AGAP3: variants seen among roughly 807,000 people sequenced by gnomAD.
AGAP3 encodes ArfGAP with GTPase domain, ankyrin repeat and PH domain 3, also known as arf-GAP with GTPase, ANK repeat and PH domain-containing protein 3.
Under a neutral mutation model 96.9 loss-of-function variants are expected in AGAP3, and 24 were observed. The observed-to-expected ratio is 0.25, with a 90% CI of 0.18 to 0.35. The LOEUF is 0.35. Ranked by LOEUF, AGAP3 falls within the 10% of genes least tolerant of loss-of-function variation. The pLI, the probability that AGAP3 is intolerant of heterozygous loss-of-function variation, is 1.00. For missense variants in AGAP3, 876 were observed against 1,254.2 expected (o/e 0.70, Z 4.55); for synonymous variants, 563 against 536.1 (o/e 1.05, Z -0.69).
At chr7:151,092,982 C>T (rs530551979) in intron 1 of AGAP3, among the ~76,000 whole-genome samples, 1 of 152,278 alleles carries the variant, frequency 6.6e-6, no homozygotes, top group East Asian at 1.9e-4. Flanking sequence ...CTGCTCCCCA[C>T]TATAATTTTC....
chr7:151,122,601 C>T (rs1799963001), intron 8 of AGAP3: 1 of 1,081,838 alleles, frequency 9.2e-7, no homozygotes, highest in Non-Finnish European at 1.3e-6. Context: ...TCCTCCTCCT[C>T]CTCCTCTTCA....
chr7:151,131,351 C>G (rs1052627985), intron 10 of AGAP3: 1 of 152,366 alleles, frequency 6.6e-6, no homozygotes, highest in East Asian at 1.9e-4. Context: ...TAGCTTTCCA[C>G]GCTCTGAACT....
At chr7:151,122,972 G>C in intron 8 of AGAP3, 1 of 1,429,006 alleles carries the variant, frequency 7.0e-7, no homozygotes, top group South Asian at 1.5e-5. Context: ...GCCCGCGCTG[G>C]GGGCTGCCGG....
intron 1 of AGAP3, among the ~76,000 whole-genome samples, chr7:151,106,677 G>A (rs535252818): frequency 3.9e-4 from 60 of 152,152 alleles, no homozygotes; most frequent in South Asian, 2.5e-3. Flanking sequence ...AAGTTTTGCC[G>A]CGTTGGCCAG....
Position 151,142,630 on chromosome 7 carries a change from T to G in AGAP3, c.2269T>G (p.Cys757Gly), listed in dbSNP as rs1246805901. 13 of 1,611,864 alleles carry G rather than the reference T, an allele frequency of 8.1e-6. No individual in the cohort carries two copies. The highest frequency in any genetic ancestry group is 1.1e-5 in the Non-Finnish European group (13 of 1,179,848). Residue 757 changes from cysteine (C) to glycine (G), a missense_variant, in exon 16 of 18, where the codon TGC (cysteine) becomes GGC (glycine). Physicochemically the swap from Cys to Gly is radical, Grantham distance 159. This residue lies in a region of AGAP3 where 213 missense variants were observed against 253.8 expected (regional missense o/e 0.84). Transcript: ENST00000397238. The surrounding 1 kb of genome is among the most constrained non-coding windows in gnomAD (Gnocchi z 7.5). ...CTACTCCAAGCCAGGGCCTGATGCC[T>G]GCAGGTGAGCAGATGGTGCCCTGGA... The part of the protein sequence containing the change: ...GGYSKPGPDA[C>G]REEKERWIRA...
intron 8 of AGAP3, among the ~76,000 whole-genome samples, chr7:151,122,188 C>A (rs1399091682): frequency 6.6e-6 from 1 of 152,262 alleles, no homozygotes; most frequent in Non-Finnish European, 1.5e-5. Context: ...CCACCTTCCT[C>A]CTCCCTGGGC....
intron 9 of AGAP3, among the ~76,000 whole-genome samples, chr7:151,125,074 CAA>C (rs1035441969): frequency 6.6e-6 from 1 of 152,212 alleles, no homozygotes; most frequent in African/African-American, 2.4e-5. Flanking sequence ...AGACCCTGCA[CAA>C]ACCTGTTGCT....
intron 1 of AGAP3, among the ~76,000 whole-genome samples, chr7:151,095,051 A>G (rs1269708266): frequency 6.8e-6 from 1 of 147,146 alleles, no homozygotes; most frequent in Admixed American, 6.8e-5. Flanking sequence ...TAATTTTTAA[A>G]ATTGTCTTGT....
intron 1 of AGAP3, among the ~76,000 whole-genome samples, chr7:151,092,145 G>C (rs2150406057): frequency 6.6e-6 from 1 of 152,336 alleles, no homozygotes; most frequent in Middle Eastern, 3.4e-3. Context: ...AAGCGTTTAA[G>C]CCTTTGAGAA....
rs1480832271 is a variant in AGAP3, at chr7:151,108,441, C to T, written c.332-8352C>T. 6.6e-6 allele frequency among the ~76,000 whole-genome samples: 1 copy of T among 152,190 alleles called. No homozygotes were observed. Among genetic ancestry groups the T allele is most frequent in the Non-Finnish European group, 1.5e-5 (1 of 68,034 alleles). Reference sequence around the variant, plus strand: ...CTGTGGCTCTCTCTGCCACCCGCACCCCCACCAGCACCTCTGCCGCCTTCT... The same window carrying T: ...CTGTGGCTCTCTCTGCCACCCGCACTCCCACCAGCACCTCTGCCGCCTTCT... On this transcript the variant is annotated intron_variant, in intron 1 of 17. Coordinates refer to ENST00000397238, the MANE Select transcript of AGAP3 (RefSeq NM_031946.7). The surrounding 1 kb of genome is among the most constrained non-coding windows in gnomAD (Gnocchi z 4.2).
chr7:151,117,828 C>T lies in AGAP3; in HGVS notation c.706+51C>T, dbSNP rs757388977. 69 of 1,564,476 alleles carry T rather than the reference C, an allele frequency of 4.4e-5. 1 individual carries two copies. The South Asian group carries it at 5.7e-4, about 13-fold the overall frequency. On this transcript the variant is annotated intron_variant, in intron 5 of 17. Coordinates refer to ENST00000397238, the MANE Select transcript of AGAP3 (RefSeq NM_031946.7). ...GCAGAGAGCAGGAAGTCCCGGGCAA[C>T]GATGCATGGGGGCAGGGGTGGGCAG...
At chr7:151,094,759 C>T (rs1411897137) in intron 1 of AGAP3, among the ~76,000 whole-genome samples, 1 of 151,928 alleles carries the variant, frequency 6.6e-6, no homozygotes, top group Non-Finnish European at 1.5e-5. Context: ...GAGTGATCTT[C>T]CCGTCTCACC....
At position 151,126,275 on chromosome 7, in the gene AGAP3, GCCC is replaced by G. The variant is rs879656202; in HGVS notation, c.1222-2304_1222-2302del. Among the ~76,000 whole-genome samples the G allele has an allele frequency of 0.012, 1,828 of 152,202 alleles. 181 individuals carry two copies. The East Asian group carries it at 0.26, about 22-fold the overall frequency. On this transcript the variant is annotated intron_variant, in intron 9 of 17. Transcript: ENST00000397238. ...AAAGGAGGTGCGGAGACCCCTTCCC[GCCC>G]TGACTGTCGGAGAAACCGCGCGCAG...
intron 8 of AGAP3, chr7:151,120,670 C>A: frequency 7.9e-7 from 1 of 1,273,270 alleles, no homozygotes; most frequent in East Asian, 5.6e-5. Context: ...TTTCCACCCA[C>A]CGCTGTGATT....
intron 1 of AGAP3, among the ~76,000 whole-genome samples, chr7:151,111,326 G>A (rs985286551): frequency 9.2e-5 from 14 of 152,176 alleles, no homozygotes; most frequent in African/African-American, 2.4e-4. Flanking sequence ...CACACCCTGC[G>A]GAGCTGGCCA....
intron 1 of AGAP3, among the ~76,000 whole-genome samples, chr7:151,093,893 G>A (rs1645626067): frequency 6.6e-6 from 1 of 152,190 alleles, no homozygotes; most frequent in African/African-American, 2.4e-5. Context: ...GGTGACCCTG[G>A]CGTGAGTATC....
At chr7:151,126,568 G>A (rs1232656439) in intron 9 of AGAP3, among the ~76,000 whole-genome samples, 1 of 152,014 alleles carries the variant, frequency 6.6e-6, no homozygotes, top group African/African-American at 2.4e-5. Flanking sequence ...GGGGCGGGGC[G>A]GGGGGTATTG....
rs1406302269 is a variant in AGAP3 at position 151,086,922 on chromosome 7, T to C, written c.181T>C (p.Phe61Leu). 6.3e-7 allele frequency: 1 copy of C among 1,590,434 alleles called. No homozygotes were observed. The highest frequency in any genetic ancestry group is 8.5e-7 in the Non-Finnish European group (1 of 1,170,054). ...GCTGGCCGGCGGGCCCCCCCAGCAG[T>C]TCGCGCTCTCCAACTCCGCGGCCAT... ...QQLAGGPPQQ[F>L]ALSNSAAIRA... The change falls in exon 1 of 18, where the codon TTC becomes CTC. Residue 61 changes from phenylalanine to leucine, a missense_variant. By Grantham distance (22) the Phe-to-Leu change is conservative. Around this residue, in one of 8 missense-constraint regions of AGAP3, gnomAD observed 62 missense variants for 82.8 expected, o/e 0.75. Transcript: ENST00000397238.
chr7:151,110,582 G>T (rs1229917005), intron 1 of AGAP3, among the ~76,000 whole-genome samples: 2 of 152,214 alleles, frequency 1.3e-5, no homozygotes, highest in African/African-American at 4.8e-5. Flanking sequence ...TTGCTGAGAG[G>T]TGACCAGGTT....
Sources: allele counts gnomAD v4.1 joint callset (sites outside exome capture counted in the v4.1 genomes callset), GRCh38; gene constraint gnomAD v4.1.1; regional missense constraint gnomAD v4.1.1; non-coding constraint Gnocchi (gnomAD v3.1); transcripts MANE v1.5; gene names NCBI Gene and HGNC (gene_info 2026-07-23, HGNC 2026-07-21).